ABCA4: variants seen among roughly 807,000 people sequenced by gnomAD.
The protein encoded by ABCA4 is ATP binding cassette subfamily A member 4, also known as retinal-specific phospholipid-transporting ATPase ABCA4.
ABCA4 carries 196 observed loss-of-function variants against 263.7 expected under a neutral mutation model. The ratio of observed to expected loss-of-function variants is 0.74; its 90% confidence interval spans 0.66 to 0.84. ABCA4 has a LOEUF of 0.84. Among genes scored for constraint, ABCA4 ranks in the 40% least tolerant of loss-of-function variants. The pLI is 0.00. For synonymous variants in ABCA4, 1,133 were observed against 1,094.2 expected (o/e 1.04, Z -0.70); for missense variants, 2,792 against 2,855.1 (o/e 0.98, Z 0.50).
chr1:94,046,829 G>A (rs1039960303), intron 19 of ABCA4, 90 bp downstream of exon 19: 5 of 1,502,552 alleles, frequency 3.3e-6, no homozygotes, highest in Non-Finnish European at 3.7e-6. Context: ...TAAAATTTGT[G>A]GGAAAGAGTA....
At chr1:94,025,199 T>C in intron 30 of ABCA4, 151 bp from the exon 31 acceptor site, 1 of 727,138 alleles carries the variant, frequency 1.4e-6, no homozygotes, top group Non-Finnish European at 2.5e-6. Flanking sequence ...TAGTTCTCAC[T>C]TCAATGATGT....
At chr1:94,019,874 A>G in intron 35 of ABCA4, 115 bp from the exon 36 acceptor site, 2 of 1,144,190 alleles carry the variant, frequency 1.7e-6, no homozygotes, top group East Asian at 5.1e-5. Flanking sequence ...TGTGGCCTCC[A>G]GGTTCCTCTT....
intron 45 of ABCA4, 125 bp downstream of exon 45, chr1:94,001,733 G>C: frequency 8.6e-6 from 12 of 1,397,066 alleles, no homozygotes; most frequent in Non-Finnish European, 1.2e-5. Flanking sequence ...AGCAACACAG[G>C]AAACAGTCCA....
At position 94,078,571 on chromosome 1, in the gene ABCA4, ATCCTCC is replaced by A; in HGVS notation, c.1356+13_1356+18del. On this transcript the variant is annotated intron_variant, in intron 10 of 49. Coordinates refer to ENST00000370225, the MANE Select transcript of ABCA4 (RefSeq NM_000350.3). ...CGCTTCCTCCTCCCCTCCCCTCCCC[ATCCTCC>A]AACCCCCCTTACTCTGATCATGTTC... is the stretch of plus-strand genomic sequence containing the variant. 8.3e-6 allele frequency: 4 copies of A among 481,126 alleles called. No homozygotes were observed. Among genetic ancestry groups the A allele is most frequent in the Non-Finnish European group, 1.1e-5 (3 of 279,476 alleles). The allele number at this position is 481,126 out of a possible 1,614,324, so 29.8% of individuals were successfully genotyped here.
Position 94,036,736 on chromosome 1 carries a change from A to G in ABCA4, c.3862+4T>C, listed in dbSNP as rs1029148996. ...GGAACAAGCCACTGGCTCCAGCACC[A>G]TACCCGCAAACAGAGGTCCTGAATC... On this transcript the variant is annotated splice_donor_region_variant and intron_variant, in intron 26 of 49. Coordinates refer to ENST00000370225, the MANE Select transcript of ABCA4 (RefSeq NM_000350.3). 3.1e-6 allele frequency: 5 copies of G among 1,614,118 alleles called. No individual in the cohort carries two copies. The highest frequency in any genetic ancestry group is 1.6e-4 in the Middle Eastern group (1 of 6,062).
intron 8 of ABCA4, 62 bp from the exon 9 acceptor site, chr1:94,079,523 C>CACACAT: frequency 1.2e-6 from 2 of 1,608,574 alleles, no homozygotes; most frequent in East Asian, 4.5e-5. Context: ...TCAATATAGT[C>CACACAT]ATTAGTGTAT....
chr1:94,076,668 G>A lies in ABCA4; in HGVS notation c.1554+1022C>T, dbSNP rs547383190. ...AAGGGACCTGTGTTATTTGGGGGTC[G>A]AGTCATTAAGATTTTAAGTGAGAGA... is the stretch of plus-strand genomic sequence containing the variant. On this transcript the variant is annotated intron_variant, in intron 11 of 49. Transcript: ENST00000370225. Among the ~76,000 whole-genome samples, 19 of 152,302 alleles carry A rather than the reference G, an allele frequency of 1.2e-4. 2 individuals carry two copies. In the South Asian group the frequency reaches 3.5e-3, roughly 28 times the overall value.
chr1:94,015,565 T>C (rs993375600), intron 37 of ABCA4, among the ~76,000 whole-genome samples, 174 bp downstream of exon 37: 2 of 152,064 alleles, frequency 1.3e-5, no homozygotes, highest in African/African-American at 4.8e-5. Flanking sequence ...GGAGTCAGAA[T>C]CAGAAGCCAG....
chr1:94,048,637 G>A (rs1660752278), intron 18 of ABCA4, among the ~76,000 whole-genome samples: 1 of 152,238 alleles, frequency 6.6e-6, no homozygotes. Flanking sequence ...ACACTACATA[G>A]TTGGTATTTG....
chr1:94,012,022 C>T (rs886453111), intron 38 of ABCA4, among the ~76,000 whole-genome samples: 2 of 152,204 alleles, frequency 1.3e-5, no homozygotes, highest in African/African-American at 4.8e-5. Context: ...AAGCCAGGGA[C>T]TTGTTTTCAA....
At position 94,010,786 on chromosome 1, in the gene ABCA4, TG is replaced by T. The variant is rs778975936; in HGVS notation, c.5714+13del. On this transcript the variant is annotated intron_variant, in intron 40 of 49. Transcript: ENST00000370225. Reference sequence around the variant, plus strand: ...CTGAGCTGCCCACTGGCCCAGGGTGTGGCATGGACGTACCATTGGGAGAGGA... The same window carrying T: ...CTGAGCTGCCCACTGGCCCAGGGTGTGCATGGACGTACCATTGGGAGAGGA... The T allele has an allele frequency of 1.2e-5, 19 of 1,613,982 alleles. No homozygotes were observed. The African/African-American group carries it at 2.5e-4, about 22-fold the overall frequency.
Position 94,078,615 on chromosome 1 carries a change from T to C in ABCA4, c.1331A>G (p.Asn444Ser). The change falls in exon 10 of 50, where the codon AAC becomes AGC. Residue 444 changes from asparagine (N) to serine (S), a missense_variant. Transcript: ENST00000370225. Reference protein sequence around the residue: ...VGPQIWYFFDNSTQMNMIRDT... With the variant: ...VGPQIWYFFDSSTQMNMIRDT... ...TCTGATCATGTTCATCTGTGTGCTG[T>C]TGTCAAAGAAGTACCAGATCTGGGG... 7.4e-7 allele frequency: 1 copy of C among 1,352,438 alleles called. No individual in the cohort carries two copies. The highest frequency in any genetic ancestry group is 1.1e-5 in the South Asian group (1 of 87,690). The allele number at this position is 1,352,438 out of a possible 1,614,324, so 83.8% of individuals were successfully genotyped here. A position where few individuals can be genotyped will look rare whatever the true frequency, so the allele number is the denominator to read the frequency against.
intron 38 of ABCA4, among the ~76,000 whole-genome samples, chr1:94,013,300 C>T (rs573580958): frequency 1.3e-5 from 2 of 152,142 alleles, no homozygotes; most frequent in African/African-American, 4.8e-5. Flanking sequence ...CGTTACTTGC[C>T]TAGCAGCCAC....
chr1:94,023,152 G>A (rs1345311724), intron 32 of ABCA4, among the ~76,000 whole-genome samples: 1 of 152,096 alleles, frequency 6.6e-6, no homozygotes, highest in African/African-American at 2.4e-5. Flanking sequence ...GCTCTGAAAC[G>A]CCACATCAGG....
chr1:94,081,592 G>A (rs1007505103), intron 7 of ABCA4, among the ~76,000 whole-genome samples: 21 of 152,130 alleles, frequency 1.4e-4, no homozygotes, highest in South Asian at 2.1e-4. Flanking sequence ...TGGTTTTCTC[G>A]TGTGTGTGTG....
rs148650711 is a variant in ABCA4 at position 94,094,666 on chromosome 1, A to G, written c.768+4128T>C. ...TCCCCTGCCGAACTTCCACAAATAA[A>G]CATTCAAAGCAGAAGGGACAGATTT... On this transcript the variant is annotated intron_variant, in intron 6 of 49. Transcript: ENST00000370225. Among the ~76,000 whole-genome samples the G allele has an allele frequency of 3.7e-3, 561 of 152,252 alleles. 4 individuals are homozygous for G. The highest frequency in any genetic ancestry group is 0.011 in the African/African-American group (461 of 41,544).
intron 1 of ABCA4, among the ~76,000 whole-genome samples, chr1:94,118,008 G>A (rs1005786616): frequency 6.6e-6 from 1 of 152,172 alleles, no homozygotes; most frequent in African/African-American, 2.4e-5. Context: ...AGTGATATCA[G>A]TGACCAGACT....
At position 94,015,765 on chromosome 1, in the gene ABCA4, G is replaced by T. The variant is rs754190237; in HGVS notation, c.5286C>A (p.Ala1762=). Residue 1762 remains alanine (A), a synonymous_variant, in exon 37 of 50, where the codon GCC becomes GCA. Coordinates refer to ENST00000370225, the MANE Select transcript of ABCA4 (RefSeq NM_000350.3). ...CATACAGCAGGAGCAGTGCCACAAG[G>T]GCAGGAAGGTTTTCTGGAGAAGTGT... The part of the protein sequence containing the change: ...KAYTSPENLP[A]LVALLLLYGW... 1 of 1,613,938 alleles carries T rather than the reference G, an allele frequency of 6.2e-7. No individual in the cohort carries two copies.
At position 94,084,914 on chromosome 1, in the gene ABCA4, C is replaced by T. The variant is rs748585397; in HGVS notation, c.769-1473G>A. Among the ~76,000 whole-genome samples the T allele has an allele frequency of 2.5e-4, 38 of 152,116 alleles. 1 individual carries two copies. Among genetic ancestry groups the T allele is most frequent in the Admixed American group, 1.2e-3 (18 of 15,266 alleles). ...GAAGCAAGTAGGCAAAACTGTGTGT[C>T]GATAAGCAAGTTAGCCCCAAGTCCT... On this transcript the variant is annotated intron_variant, in intron 6 of 49. Transcript: ENST00000370225.
Sources: gnomAD v4.1 joint callset for allele counts (sites outside exome capture counted in the v4.1 genomes callset) on GRCh38, gnomAD v4.1.1 for gene constraint, MANE v1.5 for transcripts, NCBI Gene and HGNC (gene_info 2026-07-23, HGNC 2026-07-21) for gene names.